The following PMS1 variants were observed in gnomAD, a reference collection of about 807,000 sequenced individuals.
PMS1 encodes PMS1 protein homolog 1.
A neutral mutation model predicts 93.1 loss-of-function variants in PMS1; 79 were observed. The ratio of observed to expected loss-of-function variants is 0.85; its 90% CI spans 0.71 to 1.02. The LOEUF (loss-of-function observed/expected upper bound fraction) is 1.02, where lower values mean the gene tolerates loss of function less well. Among genes scored for constraint, PMS1 ranks in the 50% least tolerant of loss-of-function variants. The pLI, the probability that PMS1 is intolerant of heterozygous loss-of-function variation, is 0.00. For synonymous variants in PMS1, 335 were observed against 363.4 expected (o/e 0.92, Z 0.89); for missense variants, 1,064 against 1,085.3 (o/e 0.98, Z 0.28).
At chr2:189,871,797 T>A (rs1178081368) in intron 11 of PMS1, among the ~76,000 whole-genome samples, 1 of 152,216 alleles carries the variant, frequency 6.6e-6, no homozygotes, top group Non-Finnish European at 1.5e-5. Flanking sequence ...CTAGGTAATG[T>A]ATAAAGAAAT....
At chr2:189,816,226 G>A (rs1364519488) in intron 4 of PMS1, among the ~76,000 whole-genome samples, 1 of 152,172 alleles carries the variant, frequency 6.6e-6, no homozygotes, top group Non-Finnish European at 1.5e-5. Flanking sequence ...TAGTCATTTG[G>A]TTAGAGTTTA....
At chr2:189,804,195 C>T (rs1304933053) in intron 3 of PMS1, among the ~76,000 whole-genome samples, 1 of 152,110 alleles carries the variant, frequency 6.6e-6, no homozygotes, top group Admixed American at 6.5e-5. Flanking sequence ...CTCAGTGACA[C>T]CAACTTTAGG....
intron 5 of PMS1, among the ~76,000 whole-genome samples, chr2:189,838,526 C>T (rs1424440278): frequency 1.3e-5 from 2 of 152,060 alleles, no homozygotes; most frequent in East Asian, 3.9e-4. Context: ...GTGTTACTAC[C>T]ACCATTCCAG....
At chr2:189,853,544 C>T (rs2055000727) in intron 7 of PMS1, among the ~76,000 whole-genome samples, 1 of 149,858 alleles carries the variant, frequency 6.7e-6, no homozygotes. Flanking sequence ...GAGATGCAGC[C>T]TTGTTGTTTT....
At chr2:189,802,310 T>C (rs947108523) in intron 3 of PMS1, among the ~76,000 whole-genome samples, 2 of 152,218 alleles carry the variant, frequency 1.3e-5, no homozygotes, top group Non-Finnish European at 2.9e-5. Flanking sequence ...ATATTTTGTA[T>C]GTTGCATGTA....
chr2:189,805,649 C>T lies in PMS1; in HGVS notation c.316-3C>T, dbSNP rs2106276807. ...AGTTTTATTAGATGTTTTTTTCCCC[C>T]AGGTTTTAATTACAACAAGAACGGC... On this transcript the variant is annotated splice_polypyrimidine_tract_variant and splice_region_variant and intron_variant, in intron 3 of 12. Coordinates refer to ENST00000441310, the MANE Select transcript of PMS1 (RefSeq NM_000534.5). 2 of 1,611,692 alleles carry T rather than the reference C, an allele frequency of 1.2e-6. No homozygotes were observed. The highest frequency in any genetic ancestry group is 1.7e-6 in the Non-Finnish European group (2 of 1,178,130).
intron 3 of PMS1, among the ~76,000 whole-genome samples, chr2:189,796,157 G>C (rs1215769865): frequency 6.6e-6 from 1 of 152,120 alleles, no homozygotes; most frequent in African/African-American, 2.4e-5. Flanking sequence ...TCAGGAGTTC[G>C]AGACTAGCCT....
At chr2:189,862,807 C>CCCATAG (rs2056159706) in intron 9 of PMS1, among the ~76,000 whole-genome samples, 1 of 152,206 alleles carries the variant, frequency 6.6e-6, no homozygotes, top group Admixed American at 6.5e-5. Flanking sequence ...AAAGTGTTCA[C>CCCATAG]CCGGCCATGA....
chr2:189,816,735 T>C (rs2051337165), intron 4 of PMS1, among the ~76,000 whole-genome samples: 1 of 152,212 alleles, frequency 6.6e-6, no homozygotes, highest in African/African-American at 2.4e-5. Context: ...ATACGTTCCT[T>C]ATGATTGCCA....
chr2:189,860,643 G>A (rs2055862766), intron 9 of PMS1, among the ~76,000 whole-genome samples: 1 of 151,846 alleles, frequency 6.6e-6, no homozygotes, highest in Non-Finnish European at 1.5e-5. Flanking sequence ...GAAAAGTAAT[G>A]AGAATTAAAG....
chr2:189,845,766 T>C (rs888234832), intron 6 of PMS1, among the ~76,000 whole-genome samples: 2 of 152,168 alleles, frequency 1.3e-5, no homozygotes, highest in Non-Finnish European at 2.9e-5. Flanking sequence ...AGTCTCGCTT[T>C]ATCACCCAGG....
chr2:189,854,347 G>A lies in PMS1; in HGVS notation c.1075G>A (p.Val359Ile), dbSNP rs369839744. The change falls in exon 9 of 13, where the codon GTT becomes ATT. Residue 359 changes from valine (V) to isoleucine (I), a missense_variant. By Grantham distance (29) the Val-to-Ile change is conservative. Coordinates refer to ENST00000441310, the MANE Select transcript of PMS1 (RefSeq NM_000534.5). ...AACAGATGTTTCCGCAGCTGACATC[G>A]TTCTTAGTAAAACAGCAGAAACAGA... The part of the protein sequence containing the change: ...NKTDVSAADI[V>I]LSKTAETDVL... The A allele has an allele frequency of 1.2e-5, 19 of 1,600,350 alleles. No homozygotes were observed. The Middle Eastern group carries it at 5.0e-4, about 42-fold the overall frequency.
At position 189,854,950 on chromosome 2, in the gene PMS1, G is replaced by A. The variant is rs1397726140; in HGVS notation, c.1678G>A (p.Val560Ile). ...TGTAATAGATAATAAATCTGGAAAA[G>A]TTACAGCTTATGATTTACTTAGCAA... Reference protein sequence around the residue: ...SNVIDNKSGKVTAYDLLSNRV... With the variant: ...SNVIDNKSGKITAYDLLSNRV... Residue 560 changes from valine to isoleucine, a missense_variant, in exon 9 of 13, where the codon GTT becomes ATT. Coordinates refer to ENST00000441310, the MANE Select transcript of PMS1 (RefSeq NM_000534.5). The A allele has an allele frequency of 3.1e-6, 5 of 1,611,676 alleles. No homozygotes were observed. Among genetic ancestry groups the A allele is most frequent in the Non-Finnish European group, 4.2e-6 (5 of 1,178,216 alleles).
chr2:189,862,949 T>G (rs986565965), intron 9 of PMS1, among the ~76,000 whole-genome samples: 1 of 152,190 alleles, frequency 6.6e-6, no homozygotes, highest in Non-Finnish European at 1.5e-5. Flanking sequence ...TGGGATTTTC[T>G]TTCTCAATTT....
chr2:189,847,445 G>A (rs1385223811), intron 6 of PMS1, among the ~76,000 whole-genome samples: 2 of 151,002 alleles, frequency 1.3e-5, no homozygotes, highest in Non-Finnish European at 2.9e-5. Context: ...TGAGAGATCT[G>A]ATTTTTAAAC....
intron 5 of PMS1, among the ~76,000 whole-genome samples, chr2:189,822,768 C>T (rs182529048): frequency 2.3e-4 from 35 of 152,280 alleles, no homozygotes; most frequent in African/African-American, 7.9e-4. Flanking sequence ...TGAATGTCTA[C>T]CACAAAATGT....
At chr2:189,804,199 C>T (rs542978484) in intron 3 of PMS1, among the ~76,000 whole-genome samples, 1 of 152,256 alleles carries the variant, frequency 6.6e-6, no homozygotes, top group South Asian at 2.1e-4. Flanking sequence ...GTGACACCAA[C>T]TTTAGGTCAG....
At chr2:189,809,447 C>CTTTTT (rs972672920) in intron 4 of PMS1, among the ~76,000 whole-genome samples, 16 of 63,446 alleles carry the variant, frequency 2.5e-4, no homozygotes, top group Non-Finnish European at 3.3e-4. Flanking sequence ...AAGCACATTT[C>CTTTTT]TTTTTTTTTT....
At chr2:189,824,165 G>A (rs773155354) in intron 5 of PMS1, among the ~76,000 whole-genome samples, 15 of 152,076 alleles carry the variant, frequency 9.9e-5, no homozygotes, top group South Asian at 2.1e-4. Flanking sequence ...CTCAGCATAT[G>A]TGTTTCTACC....
Sources: gnomAD v4.1 joint callset for allele counts (sites outside exome capture counted in the v4.1 genomes callset) on GRCh38, gnomAD v4.1.1 for gene constraint, MANE v1.5 for transcripts, NCBI Gene and HGNC (gene_info 2026-07-23, HGNC 2026-07-21) for gene names.